The following CDC42EP4 variants were observed in gnomAD, a reference collection of about 807,000 sequenced individuals.
CDC42EP4 encodes the protein CDC42 effector protein (Rho GTPase binding) 4.
CDC42EP4 carries 6 observed loss-of-function variants against 5.6 expected under a neutral mutation model. The observed-to-expected ratio is 1.07, with a 90% CI of 0.59 to 2.12. The LOEUF (loss-of-function observed/expected upper bound fraction) is 2.12. CDC42EP4 is among the 30% of genes most tolerant of loss of function. CDC42EP4 has a pLI of 0.00. For synonymous variants in CDC42EP4, 230 were observed against 224.2 expected, an observed-to-expected ratio of 1.03 and a Z score of -0.23; for missense variants, 490 against 508.6, an observed-to-expected ratio of 0.96 and a Z score of 0.35.
At chr17:73,297,310 A>AC (rs57488882) in intron 1 of CDC42EP4, among the ~76,000 whole-genome samples, 2 of 121,828 alleles carry the variant, frequency 1.6e-5, no homozygotes, top group Non-Finnish European at 3.6e-5. Context: ...AAAAAAAAAA[A>AC]CACACACACA....
chr17:73,294,394 G>A (rs2062175216), intron 1 of CDC42EP4, among the ~76,000 whole-genome samples: 1 of 151,994 alleles, frequency 6.6e-6, no homozygotes, highest in South Asian at 2.1e-4. Context: ...ACCCAGGATG[G>A]GAACATGAAA....
chr17:73,289,092 C>T (rs572449483), intron 1 of CDC42EP4, among the ~76,000 whole-genome samples: 6 of 152,200 alleles, frequency 3.9e-5, no homozygotes, highest in African/African-American at 7.2e-5. Context: ...GACATTGAAC[C>T]GCTAGACCAA....
chr17:73,287,827 G>A (rs978633113), intron 1 of CDC42EP4, among the ~76,000 whole-genome samples: 2 of 152,078 alleles, frequency 1.3e-5, no homozygotes, highest in African/African-American at 2.4e-5. Context: ...CTGCCGCTGC[G>A]TCACACAAGC....
At chr17:73,304,376 G>A (rs1394109651) in intron 1 of CDC42EP4, among the ~76,000 whole-genome samples, 1 of 151,194 alleles carries the variant, frequency 6.6e-6, no homozygotes, top group Non-Finnish European at 1.5e-5. Context: ...CAAACTTCTG[G>A]GCTCAAGCCA....
At chr17:73,306,290 G>A (rs1458979330) in intron 1 of CDC42EP4, among the ~76,000 whole-genome samples, 1 of 151,144 alleles carries the variant, frequency 6.6e-6, no homozygotes. Flanking sequence ...GAGCCCAGGA[G>A]CTTGAGACCA....
At chr17:73,295,358 A>G (rs975635383) in intron 1 of CDC42EP4, among the ~76,000 whole-genome samples, 5 of 152,168 alleles carry the variant, frequency 3.3e-5, no homozygotes, top group Non-Finnish European at 7.4e-5. Flanking sequence ...TAACACCTCA[A>G]TGGGCTCACC....
At chr17:73,310,909 G>A (rs2062271045) in intron 1 of CDC42EP4, 2 of 152,234 alleles carry the variant, frequency 1.3e-5, no homozygotes, top group Admixed American at 6.5e-5. Flanking sequence ...CGGGCAGGAT[G>A]GCTCCTGGGG....
intron 1 of CDC42EP4, among the ~76,000 whole-genome samples, chr17:73,300,247 GAAGA>G (rs1481417109): frequency 6.6e-6 from 1 of 152,242 alleles, no homozygotes; most frequent in East Asian, 1.9e-4. Flanking sequence ...GCCCCTTCCT[GAAGA>G]AAGGGCAAGG....
At chr17:73,292,001 C>T (rs549622108) in intron 1 of CDC42EP4, among the ~76,000 whole-genome samples, 1 of 152,314 alleles carries the variant, frequency 6.6e-6, no homozygotes, top group South Asian at 2.1e-4. Context: ...GCCCAGCAGA[C>T]CCAGAGCAGA....
rs772022266 is a variant in CDC42EP4, at chr17:73,285,588, G to C, written c.913C>G (p.Arg305Gly). Residue 305 changes from arginine (R) to glycine (G), a missense_variant, in exon 2 of 2, where the codon CGG becomes GGG. Arg to Gly is a moderately radical substitution (Grantham distance 125). Coordinates refer to ENST00000335793, the MANE Select transcript of CDC42EP4 (RefSeq NM_012121.5). This position sits in a 1 kb window ranked among gnomAD's most constrained non-coding sequence, Gnocchi z 6.8. ...SARSMGSHTT[R>G]DSSSLSSCTS... The stretch of plus-strand genomic sequence containing the variant: ...CAGCTGGAGAGGGAGCTGCTGTCCC[G>C]TGTGGTGTGGCTGCCCATGCTGCGG... The C allele has an allele frequency of 1.2e-6, 2 of 1,610,588 alleles. No individual in the cohort carries two copies. Among genetic ancestry groups the C allele is most frequent in the East Asian group, 2.2e-5 (1 of 44,838 alleles).
intron 1 of CDC42EP4, among the ~76,000 whole-genome samples, chr17:73,291,861 C>T (rs1258300502): frequency 6.6e-6 from 1 of 152,158 alleles, no homozygotes; most frequent in Non-Finnish European, 1.5e-5. Flanking sequence ...GAGGAGCCCT[C>T]CCCAGAAGGT....
At chr17:73,307,523 C>G (rs2062250225) in intron 1 of CDC42EP4, among the ~76,000 whole-genome samples, 1 of 150,532 alleles carries the variant, frequency 6.6e-6, no homozygotes, top group Admixed American at 6.6e-5. Flanking sequence ...TCTCGGCTCA[C>G]TGCAAGCTCC....
intron 1 of CDC42EP4, among the ~76,000 whole-genome samples, chr17:73,292,128 C>T (rs898046277): frequency 1.3e-5 from 2 of 152,246 alleles, no homozygotes; most frequent in Non-Finnish European, 1.5e-5. Flanking sequence ...AGGCAGGCCT[C>T]GCTCTCTGAA....
intron 1 of CDC42EP4, among the ~76,000 whole-genome samples, chr17:73,305,221 C>T (rs1008118391): frequency 4.6e-5 from 7 of 152,180 alleles, no homozygotes; most frequent in African/African-American, 7.2e-5. Context: ...GTGTGCTTCC[C>T]GGAGCCACCA....
chr17:73,297,526 C>T (rs943945655), intron 1 of CDC42EP4, among the ~76,000 whole-genome samples: 6 of 152,006 alleles, frequency 3.9e-5, no homozygotes, highest in Admixed American at 2.0e-4. Context: ...AGAACATATA[C>T]TTGTTTATGT....
intron 1 of CDC42EP4, among the ~76,000 whole-genome samples, chr17:73,300,439 T>C (rs954753627): frequency 6.6e-6 from 1 of 152,208 alleles, no homozygotes; most frequent in African/African-American, 2.4e-5. Flanking sequence ...AGGAAAGCAA[T>C]AGTGCACACC....
chr17:73,307,760 CTTTTTTT>C (rs539543636), intron 1 of CDC42EP4, among the ~76,000 whole-genome samples: 85 of 107,188 alleles, frequency 7.9e-4, no homozygotes, highest in Non-Finnish European at 1.3e-3. Flanking sequence ...GAATTTCTCT[CTTTTTTT>C]TTTTTTTTTT....
At chr17:73,289,808 A>AGAG (rs368776318) in intron 1 of CDC42EP4, among the ~76,000 whole-genome samples, 1,907 of 143,160 alleles carry the variant, frequency 0.013, 39 homozygotes, top group African/African-American at 0.045. Flanking sequence ...GAAAAAAAGA[A>AGAG]AGAGAGAAAG....
At position 73,286,133 on chromosome 17, in the gene CDC42EP4, T is replaced by C; in HGVS notation, c.368A>G (p.Asn123Ser). The change falls in exon 2 of 2, where the codon AAT (asparagine) becomes AGT (serine). Residue 123 changes from asparagine to serine, a missense_variant. Asn to Ser is a conservative substitution (Grantham distance 46). Coordinates refer to ENST00000335793, the MANE Select transcript of CDC42EP4 (RefSeq NM_012121.5). The surrounding 1 kb of genome is among the most constrained non-coding windows in gnomAD (Gnocchi z 7.7). ...VKNAMSLPQL[N>S]EKEAAEKGTS... ...GCCCTTCTCCGCGGCCTCCTTCTCA[T>C]TGAGCTGGGGCAGGGACATGGCATT... 1 of 1,614,066 alleles carries C rather than the reference T, an allele frequency of 6.2e-7. No homozygotes were observed. Among genetic ancestry groups the C allele is most frequent in the Non-Finnish European group, 8.5e-7 (1 of 1,180,028 alleles).
Sources: allele counts gnomAD v4.1 joint callset (sites outside exome capture counted in the v4.1 genomes callset), GRCh38; gene constraint gnomAD v4.1.1; non-coding constraint Gnocchi (gnomAD v3.1); transcripts MANE v1.5; gene names NCBI Gene and HGNC (gene_info 2026-07-23, HGNC 2026-07-21).